Variants in GPHN observed in about 807,000 individuals in gnomAD.
The protein encoded by GPHN is gephyrin.
A neutral mutation model predicts 95.5 loss-of-function variants in GPHN; 17 were observed. The observed-to-expected ratio is 0.18, with a 90% confidence interval of 0.12 to 0.27. The LOEUF (loss-of-function observed/expected upper bound fraction) is 0.27. Among genes scored for constraint, GPHN ranks in the 10% least tolerant of loss-of-function variants. The pLI, the probability that GPHN is intolerant of heterozygous loss-of-function variation, is 1.00. For missense variants in GPHN, 660 were observed against 978.1 expected, an observed-to-expected ratio of 0.67 and a Z score of 4.34; for synonymous variants, 320 against 322.5, an observed-to-expected ratio of 0.99 and a Z score of 0.08.
chr14:67,602,325 G>A, the GPHN span, among the ~76,000 whole-genome samples: 5 of 152,258 alleles, frequency 3.3e-5, no homozygotes, highest in South Asian at 4.1e-4. Context: ...GGGGAAATCC[G>A]TCCCCATGAT....
intron 1 of GPHN, among the ~76,000 whole-genome samples, chr14:66,586,243 T>C (rs540546876): frequency 1.3e-5 from 2 of 152,264 alleles, no homozygotes; most frequent in East Asian, 3.9e-4. Flanking sequence ...ATTGGTTTGG[T>C]AGATCTTCCT....
Position 66,725,113 on chromosome 14 carries a change from T to C in GPHN, c.143+43928T>C, listed in dbSNP as rs114773386. Among the ~76,000 whole-genome samples the C allele has an allele frequency of 7.9e-3, 1,202 of 152,256 alleles. 8 individuals carry two copies. The highest frequency in any genetic ancestry group is 0.028 in the African/African-American group (1,147 of 41,546). ...AGAATACAGACTCACCTCCTTCTCT[T>C]CCTCATGACAACACTGCAAGAAGAT... On this transcript the variant is annotated intron_variant, in intron 2 of 22. Transcript: ENST00000478722.
intron 1 of GPHN, among the ~76,000 whole-genome samples, chr14:66,647,995 C>T (rs935567926): frequency 2.6e-5 from 4 of 152,058 alleles, no homozygotes; most frequent in African/African-American, 9.7e-5. Context: ...GAAAGCTAGG[C>T]GTCACAGTTG....
chr14:67,106,909 C>T (rs1335505267), intron 13 of GPHN, among the ~76,000 whole-genome samples: 1 of 151,454 alleles, frequency 6.6e-6, no homozygotes, highest in East Asian at 1.9e-4. Context: ...CTTGTGTCCC[C>T]ATGTTGATCT....
At position 66,916,072 on chromosome 14, in the gene GPHN, A is replaced by G; in HGVS notation, c.456+3A>G. On this transcript the variant is annotated splice_donor_region_variant and intron_variant, in intron 6 of 22. Coordinates refer to ENST00000478722, the MANE Select transcript of GPHN (RefSeq NM_020806.5). ...CAGGTAGCAAGAAAGGATCTCAGGTAAATCACCTGGACATATTAATGGTTT... is the reference window on the plus strand; with the variant it reads ...CAGGTAGCAAGAAAGGATCTCAGGTGAATCACCTGGACATATTAATGGTTT... 6.4e-7 allele frequency: 1 copy of G among 1,561,340 alleles called. No homozygotes were observed. Among genetic ancestry groups the G allele is most frequent in the Non-Finnish European group, 8.8e-7 (1 of 1,131,804 alleles).
the GPHN span, among the ~76,000 whole-genome samples, chr14:67,285,217 G>T: frequency 1.5e-4 from 23 of 152,148 alleles, no homozygotes; most frequent in Non-Finnish European, 3.2e-4. Context: ...CTGAGGACAG[G>T]TTAAAAGAGT....
chr14:67,694,934 C>T, the GPHN span, among the ~76,000 whole-genome samples: 1 of 152,088 alleles, frequency 6.6e-6, no homozygotes, highest in Non-Finnish European at 1.5e-5. Context: ...TTTTACAGCC[C>T]GCTGCTGATT....
chr14:66,646,933 G>A (rs1368799859), intron 1 of GPHN, among the ~76,000 whole-genome samples: 2 of 152,034 alleles, frequency 1.3e-5, no homozygotes, highest in Non-Finnish European at 2.9e-5. Context: ...GTCTCACTCT[G>A]TCACCCAGGC....
At chr14:67,070,795 G>A (rs1476410629) in intron 11 of GPHN, among the ~76,000 whole-genome samples, 1 of 148,136 alleles carries the variant, frequency 6.8e-6, no homozygotes, top group East Asian at 2.0e-4. Flanking sequence ...TCCCACTTGT[G>A]TGCTTTTACC....
intron 11 of GPHN, among the ~76,000 whole-genome samples, chr14:67,061,661 C>G (rs1383069187): frequency 2.6e-5 from 4 of 152,056 alleles, no homozygotes; most frequent in East Asian, 3.9e-4. Context: ...TCTCTCTTAC[C>G]TCTAAGGCTT....
chr14:67,339,073 C>G, the GPHN span, among the ~76,000 whole-genome samples: 10 of 148,668 alleles, frequency 6.7e-5, no homozygotes, highest in Non-Finnish European at 8.9e-5. Flanking sequence ...TCTTGGCTCA[C>G]TACAACCTCC....
chr14:66,898,667 G>C (rs1274269806), intron 5 of GPHN, among the ~76,000 whole-genome samples: 1 of 151,808 alleles, frequency 6.6e-6, no homozygotes, highest in Non-Finnish European at 1.5e-5. Context: ...TGCATAGACA[G>C]ATTCCTCCCA....
intron 11 of GPHN, among the ~76,000 whole-genome samples, chr14:67,059,847 G>A (rs762658423): frequency 1.3e-5 from 2 of 152,008 alleles, no homozygotes; most frequent in African/African-American, 4.8e-5. Context: ...GGCTTAAATC[G>A]TTTGTTTTTC....
At chr14:66,763,356 C>T (rs1158346691) in intron 2 of GPHN, among the ~76,000 whole-genome samples, 3 of 146,666 alleles carry the variant, frequency 2.0e-5, no homozygotes, top group Non-Finnish European at 3.0e-5. Context: ...TGTCATCTAG[C>T]ATTAGGTATA....
chr14:67,569,343 G>A, the GPHN span: 10 of 629,208 alleles, frequency 1.6e-5, no homozygotes, highest in Admixed American at 3.0e-5. Flanking sequence ...CCCCTCCCCA[G>A]CAGGTGAAGT....
At chr14:67,571,437 A>G in the GPHN span, 1 of 276,772 alleles carries the variant, frequency 3.6e-6, no homozygotes, top group Non-Finnish European at 7.1e-6. Flanking sequence ...CGCATGGCAC[A>G]CTTAGTCTGT....
At chr14:67,310,635 A>G in the GPHN span, among the ~76,000 whole-genome samples, 1 of 152,314 alleles carries the variant, frequency 6.6e-6, no homozygotes, top group South Asian at 2.1e-4. Flanking sequence ...AGGCATAATA[A>G]CATTTAAGTT....
the GPHN span, chr14:67,412,156 C>T: frequency 9.1e-7 from 1 of 1,104,968 alleles, no homozygotes; most frequent in Non-Finnish European, 1.2e-6. Flanking sequence ...GCCCACGGCG[C>T]CCAGGAAGCA....
chr14:66,990,705 C>T (rs2071354630), intron 9 of GPHN, among the ~76,000 whole-genome samples: 1 of 151,974 alleles, frequency 6.6e-6, no homozygotes, highest in East Asian at 1.9e-4. Flanking sequence ...ATAGATGAAA[C>T]ACAGATTATG....
Sources: gnomAD v4.1 joint callset for allele counts (sites outside exome capture counted in the v4.1 genomes callset) on GRCh38, gnomAD v4.1.1 for gene constraint, MANE v1.5 for transcripts, NCBI Gene and HGNC (gene_info 2026-07-23, HGNC 2026-07-21) for gene names.